The following CCDC6 variants were observed in gnomAD, a reference collection of about 807,000 sequenced individuals.
CCDC6 encodes the protein coiled-coil domain containing 6.
A neutral mutation model predicts 56.6 loss-of-function variants in CCDC6; 20 were observed. The observed-to-expected ratio is 0.35, with a 90% CI of 0.25 to 0.51. The LOEUF (loss-of-function observed/expected upper bound fraction) is 0.51. Ranked by LOEUF, CCDC6 falls within the 20% of genes least tolerant of loss-of-function variation. CCDC6 has a pLI of 0.95. For missense variants in CCDC6, 367 were observed against 601.1 expected, an observed-to-expected ratio of 0.61 and a Z score of 4.07; for synonymous variants, 241 against 234.4, an observed-to-expected ratio of 1.03 and a Z score of -0.26.
intron 7 of CCDC6, among the ~76,000 whole-genome samples, chr10:59,798,410 C>T (rs1436842578): frequency 2.0e-5 from 3 of 152,206 alleles, no homozygotes; most frequent in Non-Finnish European, 4.4e-5. Context: ...CCCTCAGCAT[C>T]TAATACTAAA....
At chr10:59,867,258 C>A (rs538932764) in intron 1 of CCDC6, among the ~76,000 whole-genome samples, 9 of 152,154 alleles carry the variant, frequency 5.9e-5, no homozygotes, top group Non-Finnish European at 1.2e-4. Context: ...ACCTGATGGA[C>A]CCCTTCTCTC....
intron 1 of CCDC6, among the ~76,000 whole-genome samples, chr10:59,881,722 C>T (rs999022481): frequency 2.0e-5 from 3 of 152,176 alleles, no homozygotes; most frequent in African/African-American, 7.2e-5. Context: ...TCCTGGCTGC[C>T]TAAGCAGTTT....
chr10:59,899,053 A>G (rs2071484849), intron 1 of CCDC6, among the ~76,000 whole-genome samples: 1 of 152,200 alleles, frequency 6.6e-6, no homozygotes, highest in Non-Finnish European at 1.5e-5. Flanking sequence ...GTTGGAATAG[A>G]CTTCACAGCT....
At position 59,804,502 on chromosome 10, in the gene CCDC6, A is replaced by T. The variant is rs771568720; in HGVS notation, c.1023T>A (p.Ser341=). 9 of 1,608,840 alleles carry T rather than the reference A, an allele frequency of 5.6e-6. No individual in the cohort carries two copies. Among genetic ancestry groups the T allele is most frequent in the Non-Finnish European group, 7.7e-6 (9 of 1,175,172 alleles). The part of the protein sequence containing the change: ...MDDERYFNEM[S]AQGLRPRTVS... Reference sequence around the variant, plus strand: ...CAGTGCGAGGTCTTAATCCTTGTGCAGACATCTCATTAAAATACCTAAGAG... The same window carrying T: ...CAGTGCGAGGTCTTAATCCTTGTGCTGACATCTCATTAAAATACCTAAGAG... The change falls in exon 7 of 9, where the codon TCT becomes TCA. Residue 341 remains serine (S), a synonymous_variant. Coordinates refer to ENST00000263102, the MANE Select transcript of CCDC6 (RefSeq NM_005436.5).
intron 2 of CCDC6, among the ~76,000 whole-genome samples, chr10:59,838,088 A>G (rs1386385171): frequency 6.6e-6 from 1 of 152,146 alleles, no homozygotes; most frequent in Non-Finnish European, 1.5e-5. Context: ...CTTCAAACTC[A>G]GTACTTCATC....
rs111540394 is a variant in CCDC6 at position 59,815,787 on chromosome 10, T to C, written c.583-1032A>G. On this transcript the variant is annotated intron_variant, in intron 3 of 8. Transcript: ENST00000263102. Reference sequence around the variant, plus strand: ...CAATGGTTGAGTCAACAAATTATTCTTGATTGCACAAAGATGTTAATAGAT... The same window carrying C: ...CAATGGTTGAGTCAACAAATTATTCCTGATTGCACAAAGATGTTAATAGAT... Among the ~76,000 whole-genome samples, 245 of 152,364 alleles carry C rather than the reference T, an allele frequency of 1.6e-3. No individual in the cohort carries two copies. The East Asian group carries it at 0.016, about 10-fold the overall frequency.
At chr10:59,820,855 AT>A (rs201032652) in intron 3 of CCDC6, among the ~76,000 whole-genome samples, 1,682 of 144,036 alleles carry the variant, frequency 0.012, 8 homozygotes, top group African/African-American at 0.025. Flanking sequence ...AGTTGGCTAG[AT>A]TTTTTTTTTT....
intron 1 of CCDC6, among the ~76,000 whole-genome samples, chr10:59,872,905 G>C (rs140132632): frequency 3.6e-4 from 55 of 152,224 alleles, no homozygotes; most frequent in African/African-American, 1.3e-3. Context: ...ACAGGTCCTC[G>C]ATCCTTTAAA....
At chr10:59,894,156 C>G (rs978287046) in intron 1 of CCDC6, among the ~76,000 whole-genome samples, 2 of 152,184 alleles carry the variant, frequency 1.3e-5, no homozygotes, top group African/African-American at 4.8e-5. Context: ...TAAAAAGACA[C>G]AAATAAATGT....
At chr10:59,824,066 G>GT in intron 3 of CCDC6, among the ~76,000 whole-genome samples, 1 of 152,144 alleles carries the variant, frequency 6.6e-6, no homozygotes. Flanking sequence ...AACATCATCT[G>GT]TACAAGTTGA....
intron 7 of CCDC6, among the ~76,000 whole-genome samples, chr10:59,799,433 G>T (rs750961811): frequency 5.9e-5 from 9 of 152,070 alleles, no homozygotes; most frequent in Admixed American, 2.0e-4. Context: ...CTCGAAAAAA[G>T]AAATCTCCTT....
chr10:59,856,946 C>T (rs1255231224), intron 1 of CCDC6, among the ~76,000 whole-genome samples: 1 of 152,178 alleles, frequency 6.6e-6, no homozygotes, highest in Non-Finnish European at 1.5e-5. Flanking sequence ...GTACGGTAGA[C>T]TGGGAAAATC....
chr10:59,864,530 T>C (rs990105403), intron 1 of CCDC6, among the ~76,000 whole-genome samples: 4 of 152,152 alleles, frequency 2.6e-5, no homozygotes, highest in African/African-American at 9.7e-5. Context: ...CTGCGGGGTG[T>C]AGGAGGGCAA....
intron 1 of CCDC6, among the ~76,000 whole-genome samples, chr10:59,893,227 C>T (rs1036978486): frequency 2.0e-5 from 3 of 152,136 alleles, no homozygotes; most frequent in Non-Finnish European, 4.4e-5. Flanking sequence ...TGGAACAGAG[C>T]ACATGACAGT....
chr10:59,875,293 ATAGT>A (rs2071268957), intron 1 of CCDC6, among the ~76,000 whole-genome samples: 1 of 152,354 alleles, frequency 6.6e-6, no homozygotes, highest in Admixed American at 6.5e-5. Context: ...TGTCCAAAAA[ATAGT>A]TATTTATCAT....
intron 2 of CCDC6, among the ~76,000 whole-genome samples, chr10:59,845,469 T>C (rs1319744429): frequency 6.6e-6 from 1 of 151,726 alleles, no homozygotes; most frequent in Non-Finnish European, 1.5e-5. Flanking sequence ...AAGAACTACT[T>C]CAGTTTTATT....
At chr10:59,830,814 C>A (rs965971630) in intron 3 of CCDC6, among the ~76,000 whole-genome samples, 2 of 152,212 alleles carry the variant, frequency 1.3e-5, no homozygotes, top group African/African-American at 4.8e-5. Context: ...CTACCTCCCC[C>A]TTGTGGCCAT....
At chr10:59,835,612 T>TC (rs1345793569) in intron 2 of CCDC6, among the ~76,000 whole-genome samples, 1 of 152,180 alleles carries the variant, frequency 6.6e-6, no homozygotes, top group Non-Finnish European at 1.5e-5. Flanking sequence ...GTTTTTATCA[T>TC]CCCCCAAAGA....
intron 1 of CCDC6, among the ~76,000 whole-genome samples, chr10:59,874,354 CA>C (rs1336007760): frequency 6.6e-6 from 1 of 152,106 alleles, no homozygotes; most frequent in East Asian, 1.9e-4. Context: ...TCATTTTTAT[CA>C]AACATATTAA....
Sources: gnomAD v4.1 joint callset for allele counts (sites outside exome capture counted in the v4.1 genomes callset) on GRCh38, gnomAD v4.1.1 for gene constraint, MANE v1.5 for transcripts, NCBI Gene and HGNC (gene_info 2026-07-23, HGNC 2026-07-21) for gene names.